The following SLC45A2 variants were observed in gnomAD, a reference collection of about 807,000 sequenced individuals.
SLC45A2 encodes membrane-associated transporter protein.
SLC45A2 carries 36 observed loss-of-function variants against 45.5 expected under a neutral mutation model. The ratio of observed to expected loss-of-function variants is 0.79; its 90% CI spans 0.61 to 1.04. The LOEUF is 1.04. Among genes scored for constraint, SLC45A2 ranks in the 50% least tolerant of loss-of-function variants. SLC45A2 has a pLI of 0.00. For missense variants in SLC45A2, 719 were observed against 671.0 expected (o/e 1.07, Z -0.79); for synonymous variants, 306 against 269.3 (o/e 1.14, Z -1.33).
At chr5:33,971,205 G>A (rs1337241645) in intron 2 of SLC45A2, 1 of 530,094 alleles carries the variant, frequency 1.9e-6, no homozygotes, top group East Asian at 5.4e-5. Flanking sequence ...CAAGAGAGGT[G>A]GAGCCACTGA....
At chr5:33,967,984 G>A (rs143210327) in intron 2 of SLC45A2, among the ~76,000 whole-genome samples, 14 of 150,822 alleles carry the variant, frequency 9.3e-5, no homozygotes, top group Middle Eastern at 3.4e-3. Context: ...AAAAAGGGAA[G>A]AACTGTCTTA....
intron 3 of SLC45A2, 96 bp downstream of exon 3, chr5:33,963,595 C>T (rs557941400): frequency 7.0e-7 from 1 of 1,420,788 alleles, no homozygotes; most frequent in South Asian, 1.2e-5. Context: ...TGAAACTCTT[C>T]TCGTCAAACA....
At chr5:33,963,078 A>C (rs1255099850) in intron 3 of SLC45A2, among the ~76,000 whole-genome samples, 1 of 152,160 alleles carries the variant, frequency 6.6e-6, no homozygotes, top group Admixed American at 6.5e-5. Context: ...ATGAAGTTCT[A>C]ATTTTATTTT....
intron 3 of SLC45A2, among the ~76,000 whole-genome samples, chr5:33,955,489 AC>A: frequency 6.6e-6 from 1 of 152,174 alleles, no homozygotes; most frequent in Non-Finnish European, 1.5e-5. Flanking sequence ...ATTCATTAGA[AC>A]ATTAATACAG....
Position 33,963,739 on chromosome 5 carries a change from A to T in SLC45A2, c.840T>A (p.Asn280Lys). 1 of 1,614,114 alleles carries T rather than the reference A, an allele frequency of 6.2e-7. No homozygotes were observed. Among genetic ancestry groups the T allele is most frequent in the Non-Finnish European group, 8.5e-7 (1 of 1,180,020 alleles). Residue 280 changes from asparagine (N) to lysine (K), a missense_variant, in exon 3 of 7, where the codon AAT becomes AAA. Asn to Lys is a moderately conservative substitution (Grantham distance 94, BLOSUM62 0). Coordinates refer to ENST00000296589, the MANE Select transcript of SLC45A2 (RefSeq NM_016180.5). ...TTGCTCCCTGCATTGCCAGCTCTGG[A>T]TTTACGTAACCATTTTTAACTTTCT... is the stretch of plus-strand genomic sequence containing the variant. ...SIEKVKNGYVNPELAMQGAKN... is the reference protein window; with the variant it reads ...SIEKVKNGYVKPELAMQGAKN...
chr5:33,956,080 C>A (rs190411138), intron 3 of SLC45A2, among the ~76,000 whole-genome samples: 2 of 152,234 alleles, frequency 1.3e-5, no homozygotes, highest in African/African-American at 4.8e-5. Flanking sequence ...AAAAGTTAAT[C>A]TTGTTTATGC....
chr5:33,981,641 G>T (rs1753074604), intron 2 of SLC45A2, among the ~76,000 whole-genome samples: 2 of 152,230 alleles, frequency 1.3e-5, no homozygotes, highest in Admixed American at 6.5e-5. Flanking sequence ...GATCAAGAGA[G>T]CTCCCATTTT....
At chr5:33,969,437 T>C (rs1044885936) in intron 2 of SLC45A2, among the ~76,000 whole-genome samples, 9 of 152,172 alleles carry the variant, frequency 5.9e-5, no homozygotes, top group African/African-American at 2.2e-4. Flanking sequence ...GCTCACTGTT[T>C]CCATCCACCT....
intron 2 of SLC45A2, among the ~76,000 whole-genome samples, chr5:33,968,441 A>C (rs1752671592): frequency 6.6e-6 from 1 of 152,198 alleles, no homozygotes; most frequent in African/African-American, 2.4e-5. Context: ...CTGCCACATT[A>C]GATAACAAGC....
At chr5:33,971,200 G>A (rs1752767151) in intron 2 of SLC45A2, 3 of 530,092 alleles carry the variant, frequency 5.7e-6, no homozygotes, top group African/African-American at 3.9e-5. Context: ...TTTACCAAGA[G>A]AGGTGGAGCC....
chr5:33,981,474 C>A (rs1371447011), intron 2 of SLC45A2, among the ~76,000 whole-genome samples: 1 of 152,176 alleles, frequency 6.6e-6, no homozygotes, highest in Admixed American at 6.5e-5. Flanking sequence ...CTGATAGAGT[C>A]CCCCTCTTAG....
At chr5:33,952,189 C>A (rs1336984152) in intron 4 of SLC45A2, among the ~76,000 whole-genome samples, 1 of 152,080 alleles carries the variant, frequency 6.6e-6, no homozygotes, top group Non-Finnish European at 1.5e-5. Context: ...TACAGCGGCA[C>A]AGTCATAGGT....
chr5:33,955,644 C>CACACACACACACAA (rs1752252189), intron 3 of SLC45A2, among the ~76,000 whole-genome samples: 1 of 151,168 alleles, frequency 6.6e-6, no homozygotes, highest in Non-Finnish European at 1.5e-5. Flanking sequence ...TATGTTTATA[C>CACACACACACACAA]ACACACACAC....
intron 3 of SLC45A2, among the ~76,000 whole-genome samples, chr5:33,959,358 G>A (rs934398860): frequency 9.9e-5 from 15 of 152,122 alleles, no homozygotes; most frequent in African/African-American, 3.6e-4. Flanking sequence ...CTGCATAAAT[G>A]CACAGAGGGC....
At chr5:33,960,481 T>C (rs1279645315) in intron 3 of SLC45A2, among the ~76,000 whole-genome samples, 1 of 152,134 alleles carries the variant, frequency 6.6e-6, no homozygotes, top group African/African-American at 2.4e-5. Context: ...GATTGAAGAA[T>C]ATTATTCTAA....
chr5:33,963,560 G>A, intron 3 of SLC45A2, 131 bp downstream of exon 3: 2 of 1,000,070 alleles, frequency 2.0e-6, no homozygotes, highest in Non-Finnish European at 3.1e-6. Flanking sequence ...AGCTACGGGG[G>A]ATTTGGGAAT....
intron 2 of SLC45A2, among the ~76,000 whole-genome samples, chr5:33,969,507 C>T (rs1752720223): frequency 6.6e-6 from 1 of 152,094 alleles, no homozygotes; most frequent in Non-Finnish European, 1.5e-5. Flanking sequence ...TAAGCTGGGC[C>T]AGGATGCCTC....
intron 2 of SLC45A2, among the ~76,000 whole-genome samples, chr5:33,966,432 T>TTTC (rs1579550048): frequency 2.1e-5 from 3 of 141,056 alleles, no homozygotes; most frequent in Admixed American, 1.4e-4. Context: ...ACTTTCTTTT[T>TTTC]TTTTTTTTTT....
At chr5:33,954,243 T>A (rs866163047) in intron 4 of SLC45A2, 118 bp downstream of exon 4, 2 of 1,422,366 alleles carry the variant, frequency 1.4e-6, no homozygotes, top group Non-Finnish European at 2.0e-6. Flanking sequence ...TTCTTGATGG[T>A]ACCCTTTCCT....
Sources: allele counts gnomAD v4.1 joint callset (sites outside exome capture counted in the v4.1 genomes callset), GRCh38; gene constraint gnomAD v4.1.1; transcripts MANE v1.5; gene names NCBI Gene and HGNC (gene_info 2026-07-23, HGNC 2026-07-21).